The following FRYL variants were observed in gnomAD, a reference collection of about 807,000 sequenced individuals.
The protein encoded by FRYL is FRY like transcription coactivator.
A neutral mutation model predicts 351.2 loss-of-function variants in FRYL; 150 were observed. The ratio of observed to expected loss-of-function variants is 0.43; its 90% CI spans 0.37 to 0.49. The LOEUF is 0.49. FRYL is among the 20% of genes least tolerant of loss of function. The pLI, the probability that FRYL is intolerant of heterozygous loss-of-function variation, is 0.00. For synonymous variants in FRYL, 1,153 were observed against 1,257.1 expected (o/e 0.92, Z 1.75); for missense variants, 3,036 against 3,619.3 (o/e 0.84, Z 4.13).
chr4:48,517,575 A>G (rs1247205632), intron 55 of FRYL, among the ~76,000 whole-genome samples: 2 of 152,192 alleles, frequency 1.3e-5, no homozygotes, highest in African/African-American at 4.8e-5. Context: ...TCTTTCCTAT[A>G]AGGAATAATT....
In FRYL at chr4:48,605,679, T is replaced by C; in HGVS notation, c.834+62A>G. On this transcript the variant is annotated intron_variant, in intron 11 of 63. Coordinates refer to ENST00000358350, the MANE Select transcript of FRYL (RefSeq NM_015030.2). ...GTATTTTTAGGACAAAAAATAAAAG[T>C]ATAAGGTTGATAAGGTTCTTGTATA... is the stretch of plus-strand genomic sequence containing the variant. 11 of 1,079,012 alleles carry C rather than the reference T, an allele frequency of 1.0e-5. No individual in the cohort carries two copies. In the Middle Eastern group the frequency reaches 8.3e-4, roughly 81 times the overall value. The allele number at this position is 1,079,012 out of a possible 1,614,324, so 66.8% of individuals were successfully genotyped here.
At chr4:48,502,506 C>A (rs549878222) in intron 61 of FRYL, among the ~76,000 whole-genome samples, 1 of 149,588 alleles carries the variant, frequency 6.7e-6, no homozygotes, top group African/African-American at 2.5e-5. Context: ...GATCATGCCA[C>A]TGCCCTCCAA....
intron 13 of FRYL, chr4:48,598,755 G>A (rs1313954172): frequency 1.6e-6 from 1 of 637,622 alleles, no homozygotes; most frequent in Non-Finnish European, 2.0e-6. Context: ...TGCAACAATG[G>A]GAAAAGGAAA....
rs1262316028 is a variant in FRYL at position 48,497,609 on chromosome 4, G to A, written c.*1813C>T. On this transcript the variant is annotated 3_prime_UTR_variant, in exon 64 of 64. Transcript: ENST00000358350. ...TTATTTTTAACAAAAAGGATGTAAG[G>A]AGGGTAAGAAAAACAGAGGACAGTA... 1 of 152,554 alleles carries A rather than the reference G, an allele frequency of 6.6e-6. No individual in the cohort carries two copies. The highest frequency in any genetic ancestry group is 1.5e-5 in the Non-Finnish European group (1 of 68,018). The allele number at this position is 152,554 out of a possible 1,614,324, so 9.5% of individuals were successfully genotyped here.
At chr4:48,739,237 C>T (rs930413520) in intron 1 of FRYL, among the ~76,000 whole-genome samples, 6 of 151,904 alleles carry the variant, frequency 3.9e-5, no homozygotes, top group African/African-American at 1.4e-4. Flanking sequence ...CCCATCTCAA[C>T]TAAAAATACA....
At chr4:48,527,263 T>C (rs115559548) in intron 53 of FRYL, among the ~76,000 whole-genome samples, 2,856 of 152,296 alleles carry the variant, frequency 0.019, 88 homozygotes, top group African/African-American at 0.065. Context: ...TTTTTAATTT[T>C]ATATTTTTAA....
chr4:48,586,383 C>G (rs780713536), intron 19 of FRYL, among the ~76,000 whole-genome samples: 2 of 151,116 alleles, frequency 1.3e-5, no homozygotes, highest in Non-Finnish European at 2.9e-5. Flanking sequence ...AAATAGGGAA[C>G]TGAAAGATAG....
At chr4:48,611,086 G>C (rs1748080723) in intron 7 of FRYL, among the ~76,000 whole-genome samples, 1 of 151,808 alleles carries the variant, frequency 6.6e-6, no homozygotes. Flanking sequence ...TCATCCTTCA[G>C]TATATATGGT....
At chr4:48,519,329 T>C (rs1282644683) in intron 55 of FRYL, among the ~76,000 whole-genome samples, 1 of 152,112 alleles carries the variant, frequency 6.6e-6, no homozygotes, top group Admixed American at 6.6e-5. Flanking sequence ...TATTTCACAC[T>C]GCCATCCCTT....
chr4:48,511,988 A>C (rs1482959894), intron 57 of FRYL, among the ~76,000 whole-genome samples: 1 of 152,190 alleles, frequency 6.6e-6, no homozygotes, highest in Admixed American at 6.5e-5. Flanking sequence ...CCTTTAGCAC[A>C]GTGCCTAGCA....
In FRYL at chr4:48,570,908, C is replaced by T; in HGVS notation, c.2915G>A (p.Arg972Gln). Residue 972 changes from arginine (R) to glutamine (Q), a missense_variant, in exon 27 of 64, where the codon CGG becomes CAG. Physicochemically the swap from Arg to Gln is conservative, Grantham distance 43 (BLOSUM62 1). Coordinates refer to ENST00000358350, the MANE Select transcript of FRYL (RefSeq NM_015030.2). ...TCGTAAAATGTCTCGACGCCTGCGC[C>T]GTTTCATATTCTATTCCAAAGATAC... Reference protein sequence around the residue: ...ALERRPENMKRRRRRDILRVQ... With the variant: ...ALERRPENMKQRRRRDILRVQ... 1.9e-6 allele frequency: 3 copies of T among 1,612,448 alleles called. No homozygotes were observed. The highest frequency in any genetic ancestry group is 2.5e-6 in the Non-Finnish European group (3 of 1,178,630).
chr4:48,551,582 T>C lies in FRYL; in HGVS notation c.4436-4A>G. On this transcript the variant is annotated splice_polypyrimidine_tract_variant and splice_region_variant and intron_variant, in intron 36 of 63. Transcript: ENST00000358350. ...GTATTGCTACTGGAAGTAGTTCCTG[T>C]AATCAAAGACAAAGCAGTACTCGTG... is the stretch of plus-strand genomic sequence containing the variant. 1 of 1,594,066 alleles carries C rather than the reference T, an allele frequency of 6.3e-7. No homozygotes were observed. Among genetic ancestry groups the C allele is most frequent in the Non-Finnish European group, 8.6e-7 (1 of 1,162,498 alleles).
intron 16 of FRYL, among the ~76,000 whole-genome samples, chr4:48,592,225 AGAC>A (rs1190675119): frequency 1.3e-5 from 2 of 151,592 alleles, no homozygotes; most frequent in Non-Finnish European, 2.9e-5. Flanking sequence ...ACATAGTCAA[AGAC>A]GACACCTTGA....
intron 4 of FRYL, among the ~76,000 whole-genome samples, chr4:48,629,851 T>C (rs1229110028): frequency 6.6e-6 from 1 of 152,148 alleles, no homozygotes; most frequent in East Asian, 1.9e-4. Context: ...ATAAGAGGGC[T>C]GATTGAAAGA....
intron 60 of FRYL, among the ~76,000 whole-genome samples, chr4:48,503,863 T>C (rs188747478): frequency 2.0e-5 from 3 of 152,198 alleles, no homozygotes; most frequent in Non-Finnish European, 4.4e-5. Context: ...TCTGAGGGTT[T>C]AGTTCATACA....
chr4:48,632,756 C>T (rs560368571), intron 4 of FRYL, among the ~76,000 whole-genome samples: 1 of 152,148 alleles, frequency 6.6e-6, no homozygotes, highest in South Asian at 2.1e-4. Flanking sequence ...TAGATGCTTT[C>T]CTCAGAGTAG....
At chr4:48,761,003 C>CTGTGTGTGTGTGTGTGTG in intron 1 of FRYL, among the ~76,000 whole-genome samples, 1 of 121,688 alleles carries the variant, frequency 8.2e-6, no homozygotes, top group East Asian at 2.4e-4. Context: ...TATTATTACT[C>CTGTGTGTGTGTGTGTGTG]TGTCTGTGTG....
At chr4:48,681,702 A>G (rs1181758668) in intron 3 of FRYL, among the ~76,000 whole-genome samples, 4 of 152,188 alleles carry the variant, frequency 2.6e-5, no homozygotes, top group African/African-American at 4.8e-5. Context: ...ACTCCCTATT[A>G]CAATCAATGA....
intron 25 of FRYL, among the ~76,000 whole-genome samples, chr4:48,573,515 T>C (rs1181412386): frequency 6.6e-6 from 1 of 152,134 alleles, no homozygotes; most frequent in East Asian, 1.9e-4. Context: ...TCCACATACG[T>C]TTTACTTAGT....
Sources: gnomAD v4.1 joint callset for allele counts (sites outside exome capture counted in the v4.1 genomes callset) on GRCh38, gnomAD v4.1.1 for gene constraint, MANE v1.5 for transcripts, NCBI Gene and HGNC (gene_info 2026-07-23, HGNC 2026-07-21) for gene names.